CD33: variants seen among roughly 807,000 people sequenced by gnomAD.
CD33 encodes CD33 molecule, also known as myeloid cell surface antigen CD33.
A neutral mutation model predicts 31.4 loss-of-function variants in CD33; 25 were observed. That is an observed-to-expected ratio of 0.80 (90% confidence interval 0.58 to 1.11). The LOEUF is 1.11. CD33 is among the 50% of genes most tolerant of loss of function. The probability of loss-of-function intolerance (pLI) is 0.00; values close to 1 mark genes in which losing one functional copy is unlikely to be tolerated. For missense variants in CD33, 407 were observed against 448.1 expected (o/e 0.91, Z 0.83); for synonymous variants, 176 against 180.6 (o/e 0.97, Z 0.20).
the CD33 span, among the ~76,000 whole-genome samples, chr19:51,213,593 G>A: frequency 1.3e-5 from 2 of 151,892 alleles, no homozygotes; most frequent in Non-Finnish European, 2.9e-5. Flanking sequence ...CTGGAGCACG[G>A]TGACACAATC....
chr19:51,235,818 T>G (rs1297786966), intron 6 of CD33, 142 bp downstream of exon 6: 1 of 785,478 alleles, frequency 1.3e-6, no homozygotes, highest in Admixed American at 2.0e-5. Flanking sequence ...TTTAATATTT[T>G]TCAGGTACGT....
At chr19:51,211,610 C>T in the CD33 span, 2 of 1,473,538 alleles carry the variant, frequency 1.4e-6, 1 homozygote. Context: ...GCTTCAGAAG[C>T]AGCCACAAGG....
intron 6 of CD33, chr19:51,236,002 C>T (rs939637151): frequency 1.7e-6 from 1 of 595,194 alleles, no homozygotes; most frequent in East Asian, 3.0e-5. Flanking sequence ...ACTAAAAATA[C>T]AAAAAATTAG....
At chr19:51,226,275 C>G (rs751687552) in intron 3 of CD33, 34 bp from the exon 4 acceptor site, 31 of 1,605,468 alleles carry the variant, frequency 1.9e-5, no homozygotes, top group Non-Finnish European at 2.6e-5. Flanking sequence ...CATCTCTACC[C>G]CCAACTGAAG....
upstream of CD33, among the ~76,000 whole-genome samples, chr19:51,220,383 G>A (rs1980629567): frequency 6.6e-6 from 1 of 152,158 alleles, no homozygotes; most frequent in African/African-American, 2.4e-5. Flanking sequence ...GTGTTGGTTG[G>A]ACTACAACAC....
At chr19:51,217,274 A>G in the CD33 span, among the ~76,000 whole-genome samples, 17 of 152,320 alleles carry the variant, frequency 1.1e-4, no homozygotes, top group African/African-American at 3.6e-4. Flanking sequence ...TGGAAGGTCA[A>G]GCTCACAGGA....
At chr19:51,211,707 G>T in the CD33 span, 1 of 839,656 alleles carries the variant, frequency 1.2e-6, no homozygotes, top group Middle Eastern at 2.3e-4. Context: ...AGACTCAGGG[G>T]AGGACCCGGA....
chr19:51,225,572 C>G lies in CD33; in HGVS notation c.392C>G (p.Ser131Cys). The change falls in exon 2 of 7, where the codon TCT (serine) becomes TGT (cysteine). Residue 131 changes from serine (S) to cysteine (C), a missense_variant. Coordinates refer to ENST00000262262, the MANE Select transcript of CD33 (RefSeq NM_001772.4). ...ERGSTKYSYK[S>C]PQLSVHVTDL... ...GGAAGTACCAAATACAGTTACAAAT[C>G]TCCCCAGCTCTCTGTGCATGTGACA... 6.4e-7 allele frequency: 1 copy of G among 1,563,510 alleles called. No individual in the cohort carries two copies. Among genetic ancestry groups the G allele is most frequent in the Non-Finnish European group, 8.7e-7 (1 of 1,154,586 alleles).
At chr19:51,227,834 G>C (rs542881312) in intron 4 of CD33, among the ~76,000 whole-genome samples, 2 of 151,960 alleles carry the variant, frequency 1.3e-5, no homozygotes, top group African/African-American at 4.8e-5. Context: ...TTTTTTTCTA[G>C]TATTTTTTAA....
At chr19:51,226,103 TG>T (rs1981007495) in intron 3 of CD33, 22 bp downstream of exon 3, 1 of 1,611,132 alleles carries the variant, frequency 6.2e-7, no homozygotes, top group Non-Finnish European at 8.5e-7. Context: ...GCCAGGATGC[TG>T]GGGTCCCTGA....
intron 4 of CD33, among the ~76,000 whole-genome samples, chr19:51,230,832 G>A (rs1981351988): frequency 6.6e-6 from 1 of 152,152 alleles, no homozygotes; most frequent in Non-Finnish European, 1.5e-5. Context: ...CTGACATAAT[G>A]TAAAAGAGTC....
At chr19:51,216,694 A>G in the CD33 span, among the ~76,000 whole-genome samples, 1 of 152,104 alleles carries the variant, frequency 6.6e-6, no homozygotes, top group African/African-American at 2.4e-5. Context: ...TATTCTGAAG[A>G]CAAGATGGAC....
the CD33 span, among the ~76,000 whole-genome samples, chr19:51,217,200 A>G: frequency 9.2e-5 from 14 of 152,086 alleles, no homozygotes; most frequent in Non-Finnish European, 1.9e-4. Flanking sequence ...ATCCTCCAGG[A>G]AGAGGAATGA....
chr19:51,233,429 T>G (rs948410818), intron 4 of CD33, among the ~76,000 whole-genome samples: 1 of 152,214 alleles, frequency 6.6e-6, no homozygotes, highest in African/African-American at 2.4e-5. Flanking sequence ...CCAGGCTCCA[T>G]GCAGCTCTAA....
the CD33 span, chr19:51,211,811 C>A: frequency 1.1e-6 from 1 of 908,508 alleles, no homozygotes; most frequent in Non-Finnish European, 1.8e-6. Context: ...ACAGGCCCAG[C>A]ATCTTCATCC....
At chr19:51,226,485 C>A in intron 4 of CD33, 129 bp downstream of exon 4, 2 of 746,978 alleles carry the variant, frequency 2.7e-6, no homozygotes, top group Non-Finnish European at 4.6e-6. Context: ...AGACATCAGG[C>A]ACCTTGGAAA....
intron 6 of CD33, chr19:51,237,960 T>A (rs1039288711): frequency 6.6e-6 from 1 of 152,256 alleles, no homozygotes; most frequent in African/African-American, 2.4e-5. Context: ...CGGATACATC[T>A]TGAAGGTGGA....
chr19:51,211,727 G>T, the CD33 span: 4 of 789,518 alleles, frequency 5.1e-6, no homozygotes, highest in Admixed American at 9.3e-5. Flanking sequence ...ACCAGAACCT[G>T]AGCTTCCCTC....
intron 4 of CD33, among the ~76,000 whole-genome samples, chr19:51,229,729 T>C (rs1477035368): frequency 6.6e-6 from 1 of 152,150 alleles, no homozygotes; most frequent in Non-Finnish European, 1.5e-5. Context: ...GTGGTAACCA[T>C]TGTGACATCT....
Sources: gnomAD v4.1 joint callset for allele counts (sites outside exome capture counted in the v4.1 genomes callset) on GRCh38, gnomAD v4.1.1 for gene constraint, MANE v1.5 for transcripts, NCBI Gene and HGNC (gene_info 2026-07-23, HGNC 2026-07-21) for gene names.